Variants in NRXN3 observed in about 807,000 individuals in gnomAD.
NRXN3 encodes the protein neurexin 3.
In NRXN3, 32 loss-of-function variants were observed where a neutral mutation model predicts 137.6. The observed-to-expected ratio is 0.23, with a 90% CI of 0.18 to 0.31. NRXN3 has a LOEUF of 0.31. NRXN3 is among the 10% of genes least tolerant of loss of function. NRXN3 has a pLI of 1.00. For synonymous variants in NRXN3, 798 were observed against 784.5 expected (o/e 1.02, Z -0.29); for missense variants, 1,574 against 2,062.5 (o/e 0.76, Z 4.59).
chr14:78,215,996 G>A (rs983405035), intron 1 of NRXN3, among the ~76,000 whole-genome samples: 1 of 152,204 alleles, frequency 6.6e-6, no homozygotes, highest in East Asian at 1.9e-4. Context: ...TTCCTGCCAA[G>A]ATGACCAATC....
chr14:79,061,376 G>A (rs1479616183), intron 15 of NRXN3, among the ~76,000 whole-genome samples: 5 of 152,202 alleles, frequency 3.3e-5, no homozygotes. Flanking sequence ...GAGATCGTCT[G>A]AGAGTTCCTG....
intron 4 of NRXN3, among the ~76,000 whole-genome samples, chr14:78,370,178 C>T (rs2153615510): frequency 6.6e-6 from 1 of 152,276 alleles, no homozygotes; most frequent in African/African-American, 2.4e-5. Flanking sequence ...TCCTTGTCCC[C>T]AGTCCATGCT....
At chr14:78,194,639 C>T (rs1027166694) in intron 1 of NRXN3, among the ~76,000 whole-genome samples, 3 of 152,076 alleles carry the variant, frequency 2.0e-5, no homozygotes, top group Admixed American at 2.0e-4. Flanking sequence ...GGAGAGCTAC[C>T]TATGCTGCGG....
At chr14:79,174,493 T>C (rs1367425507) in intron 15 of NRXN3, among the ~76,000 whole-genome samples, 2 of 115,014 alleles carry the variant, frequency 1.7e-5, no homozygotes, top group East Asian at 5.5e-4. Flanking sequence ...CAGTTTCTAT[T>C]GAAAGTTTTA....
At chr14:78,764,545 A>G (rs1459141199) in intron 8 of NRXN3, among the ~76,000 whole-genome samples, 1 of 152,118 alleles carries the variant, frequency 6.6e-6, no homozygotes, top group Admixed American at 6.5e-5. Flanking sequence ...ACTTTTCTTA[A>G]TTCTCCCCCC....
chr14:78,692,331 A>G (rs1186402285), intron 6 of NRXN3, among the ~76,000 whole-genome samples: 1 of 152,118 alleles, frequency 6.6e-6, no homozygotes, highest in Admixed American at 6.5e-5. Flanking sequence ...TTCTCTTGTC[A>G]TCTTGATTTC....
intron 16 of NRXN3, among the ~76,000 whole-genome samples, chr14:79,551,441 G>A (rs867411543): frequency 2.0e-5 from 3 of 152,124 alleles, no homozygotes; most frequent in East Asian, 1.9e-4. Context: ...TAATGGATTC[G>A]GTGGAAAATA....
intron 15 of NRXN3, among the ~76,000 whole-genome samples, chr14:79,258,781 C>G (rs776860614): frequency 5.3e-5 from 8 of 152,162 alleles, no homozygotes; most frequent in Non-Finnish European, 1.2e-4. Flanking sequence ...CTCCTAGTGT[C>G]TCTTCTAAAA....
intron 15 of NRXN3, among the ~76,000 whole-genome samples, chr14:79,135,112 A>C (rs191011920): frequency 5.6e-4 from 85 of 152,324 alleles, no homozygotes; most frequent in African/African-American, 1.8e-3. Flanking sequence ...CATGATATGG[A>C]ATGAGACACA....
intron 18 of NRXN3, 79 bp from the exon 19 acceptor site, chr14:79,697,551 G>A: frequency 1.4e-6 from 2 of 1,450,278 alleles, no homozygotes; most frequent in Admixed American, 2.0e-5. Context: ...CTGTTATGAT[G>A]CCTGGTCCAT....
chr14:79,541,762 C>T (rs1373131283), intron 16 of NRXN3, among the ~76,000 whole-genome samples: 1 of 152,142 alleles, frequency 6.6e-6, no homozygotes, highest in Non-Finnish European at 1.5e-5. Flanking sequence ...ATCAGAAACC[C>T]ACCTGTAGCT....
intron 16 of NRXN3, among the ~76,000 whole-genome samples, chr14:79,530,771 A>G (rs974057350): frequency 2.0e-5 from 3 of 152,140 alleles, no homozygotes; most frequent in African/African-American, 7.2e-5. Context: ...AATACCTGTA[A>G]ACAAAAAGTT....
chr14:78,931,139 T>G (rs1018998577), intron 10 of NRXN3, among the ~76,000 whole-genome samples: 2 of 152,188 alleles, frequency 1.3e-5, no homozygotes, highest in African/African-American at 4.8e-5. Context: ...ACATGAATTT[T>G]TTTTTCCTAA....
At chr14:79,787,730 C>A (rs1297057982) in intron 19 of NRXN3, among the ~76,000 whole-genome samples, 1 of 152,060 alleles carries the variant, frequency 6.6e-6, no homozygotes, top group Non-Finnish European at 1.5e-5. Context: ...GCAGAATTTC[C>A]TGCTTTTTAA....
At chr14:79,794,706 C>A (rs913777591) in intron 19 of NRXN3, among the ~76,000 whole-genome samples, 1 of 152,180 alleles carries the variant, frequency 6.6e-6, no homozygotes, top group Non-Finnish European at 1.5e-5. Flanking sequence ...TTACCCTAGT[C>A]ACTCTTGCCT....
chr14:79,200,537 G>A (rs558861374), intron 15 of NRXN3, among the ~76,000 whole-genome samples: 1 of 152,226 alleles, frequency 6.6e-6, no homozygotes, highest in Admixed American at 6.5e-5. Context: ...GATCATTGAG[G>A]ATGAAGAAGA....
At chr14:79,604,835 C>G (rs969396024) in intron 16 of NRXN3, among the ~76,000 whole-genome samples, 1 of 151,794 alleles carries the variant, frequency 6.6e-6, no homozygotes, top group Admixed American at 6.6e-5. Context: ...AGTTTGAGAC[C>G]AGCCTGGCCA....
intron 15 of NRXN3, among the ~76,000 whole-genome samples, chr14:79,340,160 G>GGTGTGTGTGTGTGT (rs10533702): frequency 1.4e-5 from 2 of 146,638 alleles, no homozygotes; most frequent in African/African-American, 2.5e-5. Flanking sequence ...TGAATTTAAG[G>GGTGTGTGTGTGTGT]GTGTGTGTGT....
rs186546930 is a variant in NRXN3, at chr14:79,864,566, A to C, written c.*2602A>C. ...ATTCTAAGCAGTTACTAATTATTACATTATCAAAATGCCATATTTATGAGA... is the reference window on the plus strand; with the variant it reads ...ATTCTAAGCAGTTACTAATTATTACCTTATCAAAATGCCATATTTATGAGA... On this transcript the variant is annotated 3_prime_UTR_variant, in exon 21 of 21. Transcript: ENST00000335750. The C allele has an allele frequency of 2.8e-4, 42 of 152,468 alleles. No homozygotes were observed. Among genetic ancestry groups the C allele is most frequent in the African/African-American group, 9.4e-4 (39 of 41,560 alleles). 9.4% of individuals were successfully genotyped at this position (152,468 alleles called of 1,614,324 possible). A position where few individuals can be genotyped will look rare whatever the true frequency, so the allele number is the denominator to read the frequency against.
Sources: allele counts gnomAD v4.1 joint callset (sites outside exome capture counted in the v4.1 genomes callset), GRCh38; gene constraint gnomAD v4.1.1; transcripts MANE v1.5; gene names NCBI Gene and HGNC (gene_info 2026-07-23, HGNC 2026-07-21).